Variants in LPAR6 observed in about 807,000 individuals in gnomAD.
LPAR6 encodes the protein lysophosphatidic acid receptor 6.
LPAR6 carries 17 observed loss-of-function variants against 22.0 expected under a neutral mutation model. The ratio of observed to expected loss-of-function variants is 0.77; its 90% CI spans 0.53 to 1.16. LPAR6 has a LOEUF of 1.16. LPAR6 is among the 50% of genes most tolerant of loss of function. The pLI is 0.00. For missense variants in LPAR6, 384 were observed against 406.9 expected, an observed-to-expected ratio of 0.94 and a Z score of 0.48; for synonymous variants, 136 against 139.8, an observed-to-expected ratio of 0.97 and a Z score of 0.19.
At chr13:48,423,905 A>G (rs935730411) in intron 1 of LPAR6, 9 of 152,422 alleles carry the variant, frequency 5.9e-5, no homozygotes, top group Admixed American at 2.0e-4. Flanking sequence ...CCTGGGCAAC[A>G]TAACGAGACA....
rs1948791813 is a variant in LPAR6 at position 48,411,137 on chromosome 13, ATAACTT to A, written c.*246_*251del. ...TAAGTCAGTCACTTTTAGACACTAA[ATAACTT>A]TAAGAGATTTTTTTTAATGAAGGAA... On this transcript the variant is annotated 3_prime_UTR_variant, in exon 1 of 1. Coordinates refer to ENST00000620633, the MANE Select transcript of LPAR6 (RefSeq NM_001162498.3). The A allele has an allele frequency of 2.9e-6, 1 of 350,530 alleles. No homozygotes were observed. The highest frequency in any genetic ancestry group is 4.4e-5 in the South Asian group (1 of 22,782). 21.7% of individuals were successfully genotyped at this position (350,530 alleles called of 1,614,324 possible).
chr13:48,422,095 T>C (rs1415062812), intron 2 of LPAR6, among the ~76,000 whole-genome samples: 1 of 152,148 alleles, frequency 6.6e-6, no homozygotes, highest in East Asian at 1.9e-4. Flanking sequence ...GTATTTACAA[T>C]AGCAAAGACT....
At chr13:48,417,730 G>A (rs981764898), upstream of LPAR6, among the ~76,000 whole-genome samples, 1 of 152,056 alleles carries the variant, frequency 6.6e-6, no homozygotes, top group Non-Finnish European at 1.5e-5. Flanking sequence ...CAAGAACTTC[G>A]TGAAGCATAC....
Position 48,412,046 on chromosome 13 carries a change from A to G in LPAR6, c.378T>C (p.Thr126=), listed in dbSNP as rs1318027899. 2 of 1,613,448 alleles carry G rather than the reference A, an allele frequency of 1.2e-6. No homozygotes were observed. Among genetic ancestry groups the G allele is most frequent in the Non-Finnish European group, 1.7e-6 (2 of 1,179,778 alleles). Residue 126 remains threonine, a synonymous_variant, in exon 1 of 1, where the codon ACT becomes ACC. Coordinates refer to ENST00000620633, the MANE Select transcript of LPAR6 (RefSeq NM_001162498.3). ...LAIVYPFKSK[T]LRTKRNAKIV... The stretch of plus-strand genomic sequence containing the variant: ...TCTTTGCATTTCTTTTGGTTCTTAG[A>G]GTCTTTGACTTAAATGGGTAGACAA...
intron 1 of LPAR6, among the ~76,000 whole-genome samples, chr13:48,390,581 T>A (rs1948602668): frequency 6.6e-6 from 1 of 152,100 alleles, no homozygotes; most frequent in Admixed American, 6.6e-5. Context: ...AACTCCTGGC[T>A]CACTTAAAAA....
Position 48,437,260 on chromosome 13 carries a change from A to G in LPAR6, c.-1474+7293T>C, listed in dbSNP as rs1228487846. ...TTAATTTGAGTAGATAAGTAATAACATGAGTTGAGTACAAGAGAAAACTAC... is the reference window on the plus strand; with the variant it reads ...TTAATTTGAGTAGATAAGTAATAACGTGAGTTGAGTACAAGAGAAAACTAC... On this transcript the variant is annotated intron_variant, in intron 1 of 6. Transcript: ENST00000378434. Among the ~76,000 whole-genome samples the G allele has an allele frequency of 2.0e-5, 3 of 152,230 alleles. No homozygotes were observed. The East Asian group carries it at 5.8e-4, about 29-fold the overall frequency.
At chr13:48,409,847 AG>A, downstream of LPAR6, among the ~76,000 whole-genome samples, 1 of 152,126 alleles carries the variant, frequency 6.6e-6, no homozygotes, top group Non-Finnish European at 1.5e-5. Context: ...CCAAAGTGCT[AG>A]GATTACAGGT....
chr13:48,441,530 CT>C (rs1399637890), intron 1 of LPAR6, among the ~76,000 whole-genome samples: 1 of 152,014 alleles, frequency 6.6e-6, no homozygotes, highest in East Asian at 1.9e-4. Context: ...GAATTGGAAG[CT>C]TTAAGGATTA....
chr13:48,420,706 A>C (rs765678610), intron 2 of LPAR6, among the ~76,000 whole-genome samples: 9 of 152,240 alleles, frequency 5.9e-5, no homozygotes, highest in Non-Finnish European at 1.2e-4. Context: ...ATACAAAATT[A>C]ATGTGCAGAA....
intron 1 of LPAR6, among the ~76,000 whole-genome samples, chr13:48,395,926 A>G (rs1948644571): frequency 6.6e-6 from 1 of 152,158 alleles, no homozygotes; most frequent in Admixed American, 6.5e-5. Flanking sequence ...AGGACATATA[A>G]TCGTCAGATT....
intron 2 of LPAR6, among the ~76,000 whole-genome samples, chr13:48,419,265 A>G (rs192392802): frequency 6.6e-6 from 1 of 152,338 alleles, no homozygotes; most frequent in Admixed American, 6.5e-5. Flanking sequence ...TGGAAACTGA[A>G]CAACCTGTTC....
At chr13:48,444,525 AAG>A (rs908647038) in intron 1 of LPAR6, 2 of 152,596 alleles carry the variant, frequency 1.3e-5, no homozygotes, top group African/African-American at 4.8e-5. Flanking sequence ...AAAAAACAAA[AAG>A]AAAAAATCAA....
rs749495088 is a variant in LPAR6, at chr13:48,412,354, A to G, written c.70T>C (p.Phe24Leu). 2 of 1,613,840 alleles carry G rather than the reference A, an allele frequency of 1.2e-6. No homozygotes were observed. The highest frequency in any genetic ancestry group is 1.7e-6 in the Non-Finnish European group (2 of 1,179,696). ...AACCCAAGCACAAACACCATGCTGA[A>G]CATGCACCCATACAAAGTGTACTTA... The part of the protein sequence containing the change: ...SFKYTLYGCM[F>L]SMVFVLGLIS... Residue 24 changes from phenylalanine to leucine, a missense_variant, in exon 1 of 1, where the codon TTC (phenylalanine) becomes CTC (leucine). Coordinates refer to ENST00000620633, the MANE Select transcript of LPAR6 (RefSeq NM_001162498.3).
chr13:48,428,421 G>T (rs9535031), upstream of LPAR6, among the ~76,000 whole-genome samples: 12,164 of 35,700 alleles, frequency 0.34, 796 homozygotes, highest in South Asian at 0.47. Flanking sequence ...GCATTGGGGA[G>T]CACATTTCAA....
intron 1 of LPAR6, among the ~76,000 whole-genome samples, chr13:48,434,356 GA>G (rs914411007): frequency 4.6e-5 from 7 of 151,858 alleles, no homozygotes; most frequent in South Asian, 4.2e-4. Flanking sequence ...TAAAAACGGA[GA>G]AAAAAAATTT....
chr13:48,436,452 G>A (rs1463850059), intron 1 of LPAR6, among the ~76,000 whole-genome samples: 3 of 152,168 alleles, frequency 2.0e-5, no homozygotes, highest in Admixed American at 6.5e-5. Context: ...AGACCAGCCT[G>A]GCCAACATGG....
At chr13:48,390,470 T>C (rs1377261535) in intron 1 of LPAR6, among the ~76,000 whole-genome samples, 2 of 152,202 alleles carry the variant, frequency 1.3e-5, no homozygotes, top group African/African-American at 4.8e-5. Flanking sequence ...CAAGGAGGAA[T>C]GTGACTGAAA....
At chr13:48,406,951 T>A (rs1948745799), downstream of LPAR6, among the ~76,000 whole-genome samples, 1 of 152,212 alleles carries the variant, frequency 6.6e-6, no homozygotes, top group African/African-American at 2.4e-5. Flanking sequence ...ATTTGTTATG[T>A]GACATTGTGT....
chr13:48,397,341 G>T (rs1948656631), intron 1 of LPAR6, among the ~76,000 whole-genome samples: 1 of 152,160 alleles, frequency 6.6e-6, no homozygotes, highest in Admixed American at 6.5e-5. Flanking sequence ...CGTGTCCTTT[G>T]CAGGGACATG....
Sources: gnomAD v4.1 joint callset for allele counts (sites outside exome capture counted in the v4.1 genomes callset) on GRCh38, gnomAD v4.1.1 for gene constraint, MANE v1.5 for transcripts, NCBI Gene and HGNC (gene_info 2026-07-23, HGNC 2026-07-21) for gene names.